Variants in FAN1 observed in about 807,000 individuals in gnomAD.
The protein encoded by FAN1 is fanconi-associated nuclease 1.
Under a neutral mutation model 104.9 loss-of-function variants are expected in FAN1, and 91 were observed. That is an observed-to-expected ratio of 0.87 (90% CI 0.73 to 1.03). The LOEUF (loss-of-function observed/expected upper bound fraction) is 1.03. Ranked by LOEUF, FAN1 falls within the 50% of genes least tolerant of loss-of-function variation. The pLI is 0.00. For missense variants in FAN1, 1,263 were observed against 1,239.9 expected (o/e 1.02, Z -0.28); for synonymous variants, 478 against 457.6 (o/e 1.04, Z -0.57).
intron 10 of FAN1, chr15:30,926,658 A>G: frequency 1.0e-5 from 10 of 985,412 alleles, no homozygotes; most frequent in Non-Finnish European, 1.2e-5. Flanking sequence ...GAAGACAGAG[A>G]GATACAGTAG....
At chr15:30,931,732 A>G (rs187332780) in intron 13 of FAN1, among the ~76,000 whole-genome samples, 77 of 152,140 alleles carry the variant, frequency 5.1e-4, no homozygotes, top group African/African-American at 1.7e-3. Flanking sequence ...AGTAACCCAT[A>G]TATATGTGGG....
intron 5 of FAN1, 146 bp downstream of exon 5, chr15:30,914,237 T>G (rs2062156285): frequency 1.6e-6 from 1 of 620,874 alleles, no homozygotes; most frequent in Non-Finnish European, 2.8e-6. Context: ...CTTGTATACA[T>G]TTCTATGACT....
At position 30,942,586 on chromosome 15, in the gene FAN1, G is replaced by A. The variant is rs1003307762; in HGVS notation, c.*1024G>A. 2.1e-5 allele frequency: 8 copies of A among 377,166 alleles called. No homozygotes were observed. The highest frequency in any genetic ancestry group is 4.4e-5 in the East Asian group (1 of 22,738). The allele number at this position is 377,166 out of a possible 1,614,324, so 23.4% of individuals were successfully genotyped here. On this transcript the variant is annotated 3_prime_UTR_variant, in exon 15 of 15. Transcript: ENST00000362065. Reference sequence around the variant, plus strand: ...GGCCATGACTACATCACAGCCAGGCGGCATTCCCTGCCACAGTGGCGGCTT... The same window carrying A: ...GGCCATGACTACATCACAGCCAGGCAGCATTCCCTGCCACAGTGGCGGCTT...
chr15:30,929,322 C>T lies in FAN1; in HGVS notation c.2712C>T (p.Ala904=). Residue 904 remains alanine, a synonymous_variant, in exon 12 of 15, where the codon GCC becomes GCT. Transcript: ENST00000362065. ...AGAGCCTGCGGGCCTGGGTGGCAGCCACGTGGCATGAGCAGGAAGGCAGAG... is the reference window on the plus strand; with the variant it reads ...AGAGCCTGCGGGCCTGGGTGGCAGCTACGTGGCATGAGCAGGAAGGCAGAG... ...PEESLRAWVA[A]TWHEQEGRVA... 1 of 1,612,200 alleles carries T rather than the reference C, an allele frequency of 6.2e-7. No homozygotes were observed.
At chr15:30,941,114 A>C (rs1448658174) in intron 14 of FAN1, 6 of 1,245,020 alleles carry the variant, frequency 4.8e-6, no homozygotes, top group Non-Finnish European at 6.2e-6. Context: ...CAAATTTCCT[A>C]ACTTTCCTGT....
In FAN1 at chr15:30,930,529, T is replaced by G. The variant is rs773902371; in HGVS notation, c.2788-14T>G. On this transcript the variant is annotated splice_polypyrimidine_tract_variant and intron_variant, in intron 12 of 14. Coordinates refer to ENST00000362065, the MANE Select transcript of FAN1 (RefSeq NM_014967.5). ...ACGAGGGAAGTGGCTAACTGTCCTGTGTTTTGTGTTCAGGATCTTGTCTCC... is the reference window on the plus strand; with the variant it reads ...ACGAGGGAAGTGGCTAACTGTCCTGGGTTTTGTGTTCAGGATCTTGTCTCC... 6 of 1,583,292 alleles carry G rather than the reference T, an allele frequency of 3.8e-6. No homozygotes were observed. The highest frequency in any genetic ancestry group is 1.7e-4 in the Middle Eastern group (1 of 5,948).
intron 14 of FAN1, chr15:30,939,701 A>C: frequency 1.0e-6 from 1 of 970,118 alleles, no homozygotes; most frequent in Non-Finnish European, 1.2e-6. Flanking sequence ...AAAATGCTCA[A>C]TCCAAAACAT....
At chr15:30,905,954 G>C (rs2061969852) in intron 2 of FAN1, 57 bp downstream of exon 2, 11 of 1,497,008 alleles carry the variant, frequency 7.3e-6, no homozygotes, top group African/African-American at 1.4e-5. Context: ...TGCTCTGATT[G>C]GGGCATGATG....
intron 5 of FAN1, among the ~76,000 whole-genome samples, chr15:30,916,113 A>G (rs971345935): frequency 2.0e-5 from 3 of 152,172 alleles, no homozygotes; most frequent in Non-Finnish European, 4.4e-5. Flanking sequence ...TAACTTTTTT[A>G]GTTAAAATCT....
rs143885700 is a variant in FAN1 at position 30,939,240 on chromosome 15, A to G, written c.*3+1981A>G. ...TTTCAAAATCAGTTTCCATCATAAA[A>G]TAACAGCAAGACACTGTACACCTTT... On this transcript the variant is annotated intron_variant, in intron 14 of 14. Transcript: ENST00000362065. 6.9e-4 allele frequency: 681 copies of G among 985,498 alleles called. 5 individuals are homozygous for G. The Middle Eastern group carries it at 8.4e-3, about 12-fold the overall frequency. 61.0% of individuals were successfully genotyped at this position (985,498 alleles called of 1,614,324 possible). A position where few individuals can be genotyped will look rare whatever the true frequency, so the allele number is the denominator to read the frequency against.
At chr15:30,937,373 T>C in intron 14 of FAN1, 114 bp downstream of exon 14, 1 of 979,886 alleles carries the variant, frequency 1.0e-6, no homozygotes, top group South Asian at 1.7e-5. Context: ...TGACTTGTCA[T>C]TTTACAGTGT....
chr15:30,920,481 GTTA>G (rs1343347992), intron 6 of FAN1, 61 bp from the exon 7 acceptor site: 3 of 1,022,170 alleles, frequency 2.9e-6, no homozygotes, highest in East Asian at 2.4e-5. Flanking sequence ...TTTGTCACTT[GTTA>G]TTATTGTCTT....
intron 10 of FAN1, chr15:30,928,252 A>G: frequency 8.8e-7 from 1 of 1,133,494 alleles, no homozygotes; most frequent in Non-Finnish European, 1.1e-6. Flanking sequence ...TCTTTTAAAC[A>G]TGTTTCTTAG....
At position 30,942,815 on chromosome 15, in the gene FAN1, T is replaced by C; in HGVS notation, c.*1253T>C. ...TTACTCTTGGAAGTGCCTTTACTTT[T>C]AACGCTCTCTGTTCTGAAAAAGAGG... is the stretch of plus-strand genomic sequence containing the variant. On this transcript the variant is annotated 3_prime_UTR_variant, in exon 15 of 15. Transcript: ENST00000362065. The C allele has an allele frequency of 7.1e-7, 1 of 1,409,430 alleles. No individual in the cohort carries two copies. The highest frequency in any genetic ancestry group is 9.5e-7 in the Non-Finnish European group (1 of 1,049,950). 87.3% of individuals were successfully genotyped at this position (1,409,430 alleles called of 1,614,324 possible).
intron 2 of FAN1, among the ~76,000 whole-genome samples, 200 bp from the exon 3 acceptor site, chr15:30,907,918 G>C (rs532383731): frequency 2.0e-5 from 3 of 152,266 alleles, no homozygotes; most frequent in African/African-American, 7.2e-5. Flanking sequence ...TAGAAAATGG[G>C]GAACTTGATC....
intron 5 of FAN1, among the ~76,000 whole-genome samples, chr15:30,914,893 A>G (rs1175492331): frequency 1.3e-5 from 2 of 152,266 alleles, no homozygotes; most frequent in East Asian, 3.8e-4. Flanking sequence ...TGGTTTGTCC[A>G]ATAAAAGTAG....
chr15:30,941,251 G>C, intron 14 of FAN1: 1 of 1,455,538 alleles, frequency 6.9e-7, no homozygotes, highest in Non-Finnish European at 9.1e-7. Flanking sequence ...ACAAGAGCCA[G>C]ACCTGTAATG....
intron 2 of FAN1, 74 bp downstream of exon 2, chr15:30,905,971 G>A: frequency 7.2e-7 from 1 of 1,382,524 alleles, no homozygotes; most frequent in Non-Finnish European, 1.0e-6. Context: ...GATGTGATGG[G>A]CAGTAATCTA....
chr15:30,907,387 G>A (rs2062005094), intron 2 of FAN1, among the ~76,000 whole-genome samples: 1 of 152,016 alleles, frequency 6.6e-6, no homozygotes, highest in East Asian at 1.9e-4. Context: ...GCATGGTGGT[G>A]GGCGCCTGTA....
Sources: gnomAD v4.1 joint callset for allele counts (sites outside exome capture counted in the v4.1 genomes callset) on GRCh38, gnomAD v4.1.1 for gene constraint, MANE v1.5 for transcripts, NCBI Gene and HGNC (gene_info 2026-07-23, HGNC 2026-07-21) for gene names.